The following MAPK4 variants were observed in gnomAD, a reference collection of about 807,000 sequenced individuals.
MAPK4 encodes the protein mitogen-activated protein kinase 4.
MAPK4 carries 22 observed loss-of-function variants against 47.7 expected under a neutral mutation model. That is an observed-to-expected ratio of 0.46 (90% confidence interval 0.33 to 0.66). The LOEUF (loss-of-function observed/expected upper bound fraction) is 0.66. Among genes scored for constraint, MAPK4 ranks in the 30% least tolerant of loss-of-function variants. The probability of loss-of-function intolerance (pLI) is 0.02; values close to 1 mark genes in which losing one functional copy is unlikely to be tolerated. For missense variants in MAPK4, 736 were observed against 831.7 expected (o/e 0.88, Z 1.42); for synonymous variants, 390 against 365.7 (o/e 1.07, Z -0.76).
At chr18:50,621,908 G>A (rs934303148) in intron 1 of MAPK4, among the ~76,000 whole-genome samples, 8 of 152,214 alleles carry the variant, frequency 5.3e-5, no homozygotes, top group Non-Finnish European at 8.8e-5. Flanking sequence ...CATCACCATC[G>A]CTCCATGACA....
chr18:50,589,662 A>G (rs2042419998), intron 1 of MAPK4, among the ~76,000 whole-genome samples: 1 of 152,158 alleles, frequency 6.6e-6, no homozygotes, highest in African/African-American at 2.4e-5. Flanking sequence ...TTTGAAGGCA[A>G]ATTATCGTTT....
intron 1 of MAPK4, among the ~76,000 whole-genome samples, chr18:50,656,508 C>A (rs2144226582): frequency 6.6e-6 from 1 of 152,316 alleles, no homozygotes; most frequent in South Asian, 2.1e-4. Flanking sequence ...CTCTTTATAA[C>A]ATGATCTCAG....
chr18:50,649,290 T>C (rs2043023515), intron 1 of MAPK4, among the ~76,000 whole-genome samples: 1 of 152,212 alleles, frequency 6.6e-6, no homozygotes, highest in Admixed American at 6.5e-5. Context: ...ATTCAGGCAG[T>C]TGAAACTGAT....
chr18:50,600,277 A>G (rs1211866592), intron 1 of MAPK4, among the ~76,000 whole-genome samples: 1 of 151,984 alleles, frequency 6.6e-6, no homozygotes, highest in African/African-American at 2.4e-5. Flanking sequence ...CTTCTATCCC[A>G]CAGAATCCCA....
chr18:50,719,176 G>T (rs1356413196), intron 3 of MAPK4, among the ~76,000 whole-genome samples: 1 of 151,912 alleles, frequency 6.6e-6, no homozygotes, highest in Non-Finnish European at 1.5e-5. Flanking sequence ...TAGGCCCTGA[G>T]TACAAACGTC....
chr18:50,681,508 A>G (rs1241241701), intron 2 of MAPK4, among the ~76,000 whole-genome samples: 1 of 152,204 alleles, frequency 6.6e-6, no homozygotes, highest in Non-Finnish European at 1.5e-5. Context: ...ATCCAAGGTC[A>G]TGAAGATTTA....
intron 4 of MAPK4, among the ~76,000 whole-genome samples, chr18:50,723,788 T>A (rs1162581102): frequency 6.7e-6 from 1 of 149,194 alleles, no homozygotes; most frequent in Non-Finnish European, 1.5e-5. Context: ...CACCTGAACC[T>A]GGAAAGTTGA....
intron 1 of MAPK4, among the ~76,000 whole-genome samples, chr18:50,630,320 C>G (rs1944299158): frequency 6.6e-6 from 1 of 152,200 alleles, no homozygotes; most frequent in Non-Finnish European, 1.5e-5. Flanking sequence ...TCCTGAGTAG[C>G]TGGGATTACA....
chr18:50,582,917 A>C (rs955887603), intron 1 of MAPK4, among the ~76,000 whole-genome samples: 2 of 152,356 alleles, frequency 1.3e-5, no homozygotes, highest in South Asian at 4.1e-4. Context: ...TCTGCAAGAA[A>C]AGTCACAGCT....
At chr18:50,626,428 G>T (rs1407365639) in intron 1 of MAPK4, among the ~76,000 whole-genome samples, 1 of 152,140 alleles carries the variant, frequency 6.6e-6, no homozygotes, top group Non-Finnish European at 1.5e-5. Context: ...GGCGTCTGCG[G>T]TCCTTGCACA....
intron 1 of MAPK4, among the ~76,000 whole-genome samples, chr18:50,648,570 T>C (rs1598864867): frequency 6.6e-6 from 1 of 152,172 alleles, no homozygotes. Context: ...TCTGAACATA[T>C]TCATTGAGGG....
At position 50,697,353 on chromosome 18, in the gene MAPK4, C is replaced by T. The variant is rs147520334; in HGVS notation, c.547-17726C>T. Among the ~76,000 whole-genome samples, 200 of 152,334 alleles carry T rather than the reference C, an allele frequency of 1.3e-3. 1 individual carries two copies. The highest frequency in any genetic ancestry group is 4.4e-3 in the African/African-American group (183 of 41,580). On this transcript the variant is annotated intron_variant, in intron 2 of 5. Coordinates refer to ENST00000400384, the MANE Select transcript of MAPK4 (RefSeq NM_002747.4). The stretch of plus-strand genomic sequence containing the variant: ...AGAATGGGAGCTTCTCTGCTTGGTT[C>T]ACTGCTCTGTCCCAGCACCCAGAAA...
At chr18:50,632,782 G>A (rs2042843631) in intron 1 of MAPK4, among the ~76,000 whole-genome samples, 1 of 151,938 alleles carries the variant, frequency 6.6e-6, no homozygotes, top group South Asian at 2.1e-4. Context: ...ACCATACCCA[G>A]CTAATTTTCA....
At chr18:50,638,426 G>A (rs749214854) in intron 1 of MAPK4, among the ~76,000 whole-genome samples, 1 of 152,192 alleles carries the variant, frequency 6.6e-6, no homozygotes, top group African/African-American at 2.4e-5. Context: ...CCTTGCAGCT[G>A]AATAGCTGAG....
chr18:50,681,493 G>T (rs1568078469), intron 2 of MAPK4, among the ~76,000 whole-genome samples: 1 of 152,106 alleles, frequency 6.6e-6, no homozygotes, highest in African/African-American at 2.4e-5. Context: ...AGAAACCACT[G>T]TCTAATCCAA....
At chr18:50,696,884 G>C (rs1451920105) in intron 2 of MAPK4, among the ~76,000 whole-genome samples, 1 of 152,160 alleles carries the variant, frequency 6.6e-6, no homozygotes, top group Non-Finnish European at 1.5e-5. Flanking sequence ...ATTTGGAGGA[G>C]AGACACGGCA....
chr18:50,717,846 C>A (rs1311816363), intron 3 of MAPK4, among the ~76,000 whole-genome samples: 2 of 152,160 alleles, frequency 1.3e-5, no homozygotes, highest in African/African-American at 4.8e-5. Context: ...CACCTAAGCC[C>A]ACAGGTGAAA....
chr18:50,694,842 A>T (rs545560388), intron 2 of MAPK4, among the ~76,000 whole-genome samples: 1 of 152,326 alleles, frequency 6.6e-6, no homozygotes, highest in East Asian at 1.9e-4. Flanking sequence ...TCATTACTCC[A>T]TCACCACTGT....
At chr18:50,704,890 A>T in intron 2 of MAPK4, 1 of 397,874 alleles carries the variant, frequency 2.5e-6, no homozygotes, top group Non-Finnish European at 4.4e-6. Context: ...AGCACCTGGC[A>T]GGTGGCTGTT....
Sources: gnomAD v4.1 joint callset for allele counts (sites outside exome capture counted in the v4.1 genomes callset) on GRCh38, gnomAD v4.1.1 for gene constraint, MANE v1.5 for transcripts, NCBI Gene and HGNC (gene_info 2026-07-23, HGNC 2026-07-21) for gene names.